Variants in CCDC192 observed in about 807,000 individuals in gnomAD.
CCDC192 encodes the protein coiled-coil domain containing 192.
intron 6 of CCDC192, among the ~76,000 whole-genome samples, chr5:127,922,740 C>T (rs777243067): frequency 8.5e-5 from 13 of 152,132 alleles, no homozygotes; most frequent in Non-Finnish European, 1.5e-4. Context: ...AGGGTGAAAC[C>T]CTGTCTTAAA....
chr5:127,806,086 A>C (rs539394687), intron 5 of CCDC192, among the ~76,000 whole-genome samples: 3 of 152,316 alleles, frequency 2.0e-5, no homozygotes, highest in Admixed American at 6.5e-5. Flanking sequence ...TAAGAAGCTA[A>C]TCTGTAACGC....
intron 5 of CCDC192, among the ~76,000 whole-genome samples, chr5:127,828,969 G>T (rs1446241963): frequency 6.6e-6 from 1 of 152,216 alleles, no homozygotes; most frequent in Non-Finnish European, 1.5e-5. Flanking sequence ...CATGGGCCAA[G>T]GTTAGCTACT....
chr5:127,928,626 G>A (rs1465169274), intron 6 of CCDC192, among the ~76,000 whole-genome samples: 1 of 152,026 alleles, frequency 6.6e-6, no homozygotes, highest in Non-Finnish European at 1.5e-5. Flanking sequence ...ACATCTTTGT[G>A]GACAGGCAGT....
intron 5 of CCDC192, among the ~76,000 whole-genome samples, chr5:127,824,015 G>T (rs986698686): frequency 4.6e-5 from 7 of 152,100 alleles, no homozygotes; most frequent in African/African-American, 7.2e-5. Context: ...CAATAGCAAG[G>T]TTTCTAACCA....
intron 6 of CCDC192, among the ~76,000 whole-genome samples, chr5:127,911,310 G>C (rs1394960387): frequency 6.6e-6 from 1 of 152,198 alleles, no homozygotes; most frequent in Admixed American, 6.5e-5. Flanking sequence ...CAGACATGTA[G>C]ACAGGCAAAC....
At chr5:127,931,023 A>G (rs563235087) in intron 6 of CCDC192, among the ~76,000 whole-genome samples, 1 of 152,224 alleles carries the variant, frequency 6.6e-6, no homozygotes, top group South Asian at 2.1e-4. Context: ...CTTCTTGGAC[A>G]TATGTGCTGA....
chr5:127,737,926 T>C (rs572207637), intron 2 of CCDC192, among the ~76,000 whole-genome samples: 3 of 151,942 alleles, frequency 2.0e-5, no homozygotes, highest in Admixed American at 1.3e-4. Context: ...TTTAGTCCAT[T>C]TACATTTAAA....
At chr5:127,940,077 A>G (rs1580849668) in intron 6 of CCDC192, among the ~76,000 whole-genome samples, 1 of 152,270 alleles carries the variant, frequency 6.6e-6, no homozygotes, top group East Asian at 1.9e-4. Flanking sequence ...AAGGTGCTGC[A>G]TTTTTTGATG....
chr5:127,901,868 C>A (rs1265603123), intron 6 of CCDC192, among the ~76,000 whole-genome samples: 2 of 152,208 alleles, frequency 1.3e-5, no homozygotes, highest in Non-Finnish European at 2.9e-5. Flanking sequence ...TTAATAAGAT[C>A]TTTTAAATTT....
At chr5:127,770,315 CAAAT>C (rs1755476748) in intron 3 of CCDC192, among the ~76,000 whole-genome samples, 1 of 152,168 alleles carries the variant, frequency 6.6e-6, no homozygotes, top group Admixed American at 6.5e-5. Flanking sequence ...GTGACCTTGA[CAAAT>C]AGATAAATTG....
At chr5:127,855,114 G>C (rs748862080) in intron 5 of CCDC192, among the ~76,000 whole-genome samples, 4 of 152,138 alleles carry the variant, frequency 2.6e-5, no homozygotes, top group African/African-American at 4.8e-5. Context: ...GGTGGTGGTG[G>C]TGGATGTTTG....
intron 3 of CCDC192, among the ~76,000 whole-genome samples, chr5:127,765,529 C>T (rs999058133): frequency 5.3e-5 from 8 of 151,862 alleles, no homozygotes; most frequent in Admixed American, 1.3e-4. Flanking sequence ...TTTTAAAGTC[C>T]CCAGTAATTT....
rs116398257 is a variant in CCDC192, at chr5:127,778,328, G to A, written c.223-18775G>A. Among the ~76,000 whole-genome samples, 390 of 152,244 alleles carry A rather than the reference G, an allele frequency of 2.6e-3. 1 individual carries two copies. The highest frequency in any genetic ancestry group is 4.6e-3 in the Non-Finnish European group (310 of 67,998). On this transcript the variant is annotated intron_variant, in intron 3 of 6. Transcript: ENST00000514853. ...TACTTTGATGAATATTTTTATCATG[G>A]AAGAGTGTTGGATTTTGTCAATTTT... is the stretch of plus-strand genomic sequence containing the variant.
intron 3 of CCDC192, among the ~76,000 whole-genome samples, chr5:127,774,034 T>C (rs1437779325): frequency 1.3e-5 from 2 of 152,232 alleles, no homozygotes; most frequent in Non-Finnish European, 1.5e-5. Flanking sequence ...CATCTTTTCA[T>C]GTGCTTCTTG....
intron 6 of CCDC192, among the ~76,000 whole-genome samples, chr5:127,913,911 A>G (rs1442846202): frequency 6.6e-6 from 1 of 152,228 alleles, no homozygotes; most frequent in Non-Finnish European, 1.5e-5. Context: ...AAGAACAGGG[A>G]TGAAGGAATA....
At position 127,712,658 on chromosome 5, in the gene CCDC192, G is replaced by A. The variant is rs528026867; in HGVS notation, c.114+4898G>A. 2.6e-5 allele frequency among the ~76,000 whole-genome samples: 4 copies of A among 152,268 alleles called. No homozygotes were observed. The South Asian group carries it at 8.3e-4, about 32-fold the overall frequency. ...AACAGACTAAGACAATCCTTTGTCTGTTGACTGACATTTAGATTATTTCCA... is the reference window on the plus strand; with the variant it reads ...AACAGACTAAGACAATCCTTTGTCTATTGACTGACATTTAGATTATTTCCA... On this transcript the variant is annotated intron_variant, in intron 2 of 6. Transcript: ENST00000514853.
At chr5:127,787,377 GCCT>G (rs1338109120) in intron 3 of CCDC192, among the ~76,000 whole-genome samples, 1 of 152,090 alleles carries the variant, frequency 6.6e-6, no homozygotes, top group Non-Finnish European at 1.5e-5. Flanking sequence ...GCCAGCCCAG[GCCT>G]CCTCCTCCTG....
chr5:127,748,581 G>A (rs1188655358), intron 2 of CCDC192, among the ~76,000 whole-genome samples: 1 of 146,582 alleles, frequency 6.8e-6, no homozygotes, highest in African/African-American at 2.5e-5. Flanking sequence ...GGATTGACTT[G>A]GCGATTTGGG....
At chr5:127,846,399 C>T (rs760774965) in intron 5 of CCDC192, among the ~76,000 whole-genome samples, 3 of 152,092 alleles carry the variant, frequency 2.0e-5, no homozygotes, top group Non-Finnish European at 4.4e-5. Flanking sequence ...ATTTTGCACC[C>T]GTTTTCACCC....
Sources: gnomAD v4.1 joint callset for allele counts (sites outside exome capture counted in the v4.1 genomes callset) on GRCh38, gnomAD v4.1.1 for gene constraint, MANE v1.5 for transcripts, NCBI Gene and HGNC (gene_info 2026-07-23, HGNC 2026-07-21) for gene names.